Variants in TLK1 observed in about 807,000 individuals in gnomAD.
TLK1 encodes tousled like kinase 1.
TLK1 carries 24 observed loss-of-function variants against 105.3 expected under a neutral mutation model. The observed-to-expected ratio is 0.23, with a 90% CI of 0.17 to 0.32. TLK1 has a LOEUF of 0.32. Among genes scored for constraint, TLK1 ranks in the 10% least tolerant of loss-of-function variants. The pLI is 1.00. For synonymous variants in TLK1, 321 were observed against 310.4 expected (o/e 1.03, Z -0.36); for missense variants, 558 against 910.5 (o/e 0.61, Z 4.98).
chr2:171,150,396 T>C (rs1420487936), intron 1 of TLK1, among the ~76,000 whole-genome samples: 2 of 152,248 alleles, frequency 1.3e-5, no homozygotes, highest in Non-Finnish European at 2.9e-5. Flanking sequence ...ATAGTTGTTT[T>C]TTGCTCATTA....
intron 1 of TLK1, among the ~76,000 whole-genome samples, chr2:171,208,301 G>T (rs1384139325): frequency 6.6e-6 from 1 of 151,952 alleles, no homozygotes; most frequent in Admixed American, 6.6e-5. Context: ...GTTGTTTAAG[G>T]CATTTGAAGA....
chr2:171,107,791 G>A (rs966973049), intron 2 of TLK1, among the ~76,000 whole-genome samples: 2 of 152,136 alleles, frequency 1.3e-5, no homozygotes, highest in African/African-American at 2.4e-5. Context: ...AGGCGCAGTG[G>A]CTCAGGCCTG....
At position 171,101,261 on chromosome 2, in the gene TLK1, A is replaced by G. The variant is rs150705089; in HGVS notation, c.258+16478T>C. Among the ~76,000 whole-genome samples, 709 of 144,260 alleles carry G rather than the reference A, an allele frequency of 4.9e-3. 8 individuals carry two copies. The highest frequency in any genetic ancestry group is 0.017 in the African/African-American group (680 of 39,184). 94.6% of individuals were successfully genotyped at this position (144,260 alleles called of 152,430 possible). A position where few individuals can be genotyped will look rare whatever the true frequency, so the allele number is the denominator to read the frequency against. On this transcript the variant is annotated intron_variant, in intron 2 of 20. Coordinates refer to ENST00000431350, the MANE Select transcript of TLK1 (RefSeq NM_012290.5). Reference sequence around the variant, plus strand: ...CTCAGGAGGCTGAGGCAGGAGAATCACTTGAACCCAGAAGGTGGAGGTTGC... The same window carrying G: ...CTCAGGAGGCTGAGGCAGGAGAATCGCTTGAACCCAGAAGGTGGAGGTTGC...
intron 2 of TLK1, among the ~76,000 whole-genome samples, chr2:171,105,465 C>A (rs2105511286): frequency 6.6e-6 from 1 of 152,326 alleles, no homozygotes; most frequent in East Asian, 1.9e-4. Flanking sequence ...GCGGGTGGAT[C>A]ACTTGAGGTC....
chr2:171,148,537 G>A (rs992559942), intron 1 of TLK1, among the ~76,000 whole-genome samples: 2 of 151,930 alleles, frequency 1.3e-5, no homozygotes, highest in African/African-American at 2.4e-5. Flanking sequence ...GCAATGTTCC[G>A]TCATTTGTAC....
chr2:171,164,546 G>A (rs1692573003), upstream of TLK1, among the ~76,000 whole-genome samples: 1 of 151,808 alleles, frequency 6.6e-6, no homozygotes, highest in Non-Finnish European at 1.5e-5. Context: ...ACTAGCCTTG[G>A]GCTGTGAGAT....
chr2:171,047,475 T>C lies in TLK1; in HGVS notation c.981-1113A>G, dbSNP rs139233002. Among the ~76,000 whole-genome samples, 77 of 152,296 alleles carry C rather than the reference T, an allele frequency of 5.1e-4. 1 individual carries two copies. In the Middle Eastern group the frequency reaches 0.014, roughly 27 times the overall value. On this transcript the variant is annotated intron_variant, in intron 10 of 20. Transcript: ENST00000431350. ...CAGAATTGACCTTACACACATCCCC[T>C]TCCCTATGGTTTTAGTGATAAAGTA...
At chr2:171,076,013 T>A in intron 3 of TLK1, among the ~76,000 whole-genome samples, 1 of 151,652 alleles carries the variant, frequency 6.6e-6, no homozygotes, top group Non-Finnish European at 1.5e-5. Flanking sequence ...CGGTCAGGAG[T>A]TCAAGACCAG....
intron 3 of TLK1, among the ~76,000 whole-genome samples, chr2:171,081,913 A>C (rs1323152543): frequency 6.6e-6 from 1 of 152,178 alleles, no homozygotes; most frequent in Non-Finnish European, 1.5e-5. Context: ...AGTGCTAATG[A>C]ACTACTGGTA....
chr2:171,231,156 C>G (rs1472448678), exon 1 of TLK1: 1 of 152,120 alleles, frequency 6.6e-6, no homozygotes, highest in Non-Finnish European at 1.5e-5. Flanking sequence ...GTTCTGATGC[C>G]AGAAGTCCAA....
At chr2:171,008,779 G>C (rs1336316694) in intron 14 of TLK1, among the ~76,000 whole-genome samples, 10 of 152,194 alleles carry the variant, frequency 6.6e-5, no homozygotes, top group African/African-American at 2.2e-4. Flanking sequence ...GAAAGTTCAA[G>C]TCACTGGGCC....
chr2:171,201,644 ACTGTT>A (rs1281484526), intron 1 of TLK1, among the ~76,000 whole-genome samples: 1 of 152,210 alleles, frequency 6.6e-6, no homozygotes, highest in Non-Finnish European at 1.5e-5. Flanking sequence ...CTTCTAAGGA[ACTGTT>A]CCACCTGGTT....
At chr2:171,025,026 G>C (rs1479245229) in intron 12 of TLK1, among the ~76,000 whole-genome samples, 1 of 152,138 alleles carries the variant, frequency 6.6e-6, no homozygotes, top group African/African-American at 2.4e-5. Context: ...AAGTCCATAA[G>C]TAAGTTTACA....
At chr2:171,151,584 C>T (rs1031488506) in intron 1 of TLK1, among the ~76,000 whole-genome samples, 2 of 151,046 alleles carry the variant, frequency 1.3e-5, no homozygotes, top group African/African-American at 4.9e-5. Context: ...ACACCATTCT[C>T]CCGCCTCAGC....
At chr2:171,000,742 C>T (rs551309040) in intron 18 of TLK1, among the ~76,000 whole-genome samples, 51 of 152,276 alleles carry the variant, frequency 3.3e-4, no homozygotes, top group Non-Finnish European at 4.6e-4. Flanking sequence ...TAGTATCAAT[C>T]CTTCTTCCAC....
chr2:171,035,976 G>A (rs73027248), intron 11 of TLK1, among the ~76,000 whole-genome samples: 2,802 of 152,252 alleles, frequency 0.018, 80 homozygotes, highest in African/African-American at 0.064. Context: ...TCGCTAAAAC[G>A]GTAAGGTAAT....
intron 1 of TLK1, among the ~76,000 whole-genome samples, chr2:171,157,167 T>C (rs558680221): frequency 6.6e-6 from 1 of 152,194 alleles, no homozygotes; most frequent in Non-Finnish European, 1.5e-5. Flanking sequence ...TTATTTATAA[T>C]TGGCAGGTTG....
chr2:171,184,717 C>T (rs1692992388), intron 1 of TLK1, among the ~76,000 whole-genome samples: 1 of 151,636 alleles, frequency 6.6e-6, no homozygotes, highest in South Asian at 2.1e-4. Context: ...CCATTCATTT[C>T]CTACTAAATT....
At chr2:171,124,901 G>T (rs1167173027) in intron 1 of TLK1, among the ~76,000 whole-genome samples, 4 of 152,086 alleles carry the variant, frequency 2.6e-5, no homozygotes, top group African/African-American at 9.7e-5. Flanking sequence ...CAACTGAATT[G>T]TATCAATAAC....
Sources: allele counts gnomAD v4.1 joint callset (sites outside exome capture counted in the v4.1 genomes callset), GRCh38; gene constraint gnomAD v4.1.1; transcripts MANE v1.5; gene names NCBI Gene and HGNC (gene_info 2026-07-23, HGNC 2026-07-21).